CARMIL1: variants seen among roughly 807,000 people sequenced by gnomAD.
The protein encoded by CARMIL1 is capping protein regulator and myosin 1 linker 1.
In CARMIL1, 90 loss-of-function variants were observed where a neutral mutation model predicts 177.1. The observed-to-expected ratio is 0.51, with a 90% CI of 0.43 to 0.61. The LOEUF is 0.61. Among genes scored for constraint, CARMIL1 ranks in the 20% least tolerant of loss-of-function variants. The probability of loss-of-function intolerance (pLI) is 0.00; values close to 1 mark genes in which losing one functional copy is unlikely to be tolerated. For missense variants in CARMIL1, 1,380 were observed against 1,667.0 expected (o/e 0.83, Z 3.00); for synonymous variants, 577 against 606.2 (o/e 0.95, Z 0.71).
intron 36 of CARMIL1, among the ~76,000 whole-genome samples, chr6:25,619,205 G>T (rs1039009464): frequency 2.0e-5 from 3 of 152,158 alleles, no homozygotes; most frequent in African/African-American, 7.2e-5. Flanking sequence ...ACATCTATGA[G>T]AGGTTCACCC....
At chr6:25,585,689 C>T in intron 31 of CARMIL1, among the ~76,000 whole-genome samples, 1 of 152,024 alleles carries the variant, frequency 6.6e-6, no homozygotes, top group Non-Finnish European at 1.5e-5. Context: ...GGCAGAGGAC[C>T]CTGCGGCCTT....
intron 15 of CARMIL1, among the ~76,000 whole-genome samples, chr6:25,492,522 A>C (rs905115492): frequency 3.9e-5 from 6 of 152,342 alleles, no homozygotes; most frequent in South Asian, 2.1e-4. Context: ...ATTCACAGAC[A>C]GTAGCAACTT....
At position 25,282,242 on chromosome 6, in the gene CARMIL1, G is replaced by A. The variant is rs528419419; in HGVS notation, c.40+2407G>A. Among the ~76,000 whole-genome samples, 7 of 151,994 alleles carry A rather than the reference G, an allele frequency of 4.6e-5. No individual in the cohort carries two copies. The South Asian group carries it at 1.5e-3, about 32-fold the overall frequency. ...GAGGTAGTTATTTTAAAGGGTATAT[G>A]ATTTTCCAGTCTGTTTCCATGTGTA... is the stretch of plus-strand genomic sequence containing the variant. On this transcript the variant is annotated intron_variant, in intron 1 of 36. Transcript: ENST00000329474.
At chr6:25,294,249 C>T (rs1782221380) in intron 2 of CARMIL1, among the ~76,000 whole-genome samples, 1 of 152,174 alleles carries the variant, frequency 6.6e-6, no homozygotes, top group Non-Finnish European at 1.5e-5. Context: ...TTCTGCTGAT[C>T]CCTGGGCCCT....
chr6:25,530,070 T>C (rs1807592698), intron 24 of CARMIL1, among the ~76,000 whole-genome samples: 1 of 151,612 alleles, frequency 6.6e-6, no homozygotes, highest in Non-Finnish European at 1.5e-5. Context: ...CAGGAAAGAA[T>C]AGAAAACCAT....
chr6:25,296,877 A>C (rs1460549599), intron 2 of CARMIL1, among the ~76,000 whole-genome samples: 2 of 143,510 alleles, frequency 1.4e-5, no homozygotes, highest in Admixed American at 7.1e-5. Flanking sequence ...TCCTTTTCTT[A>C]TAAGAATATC....
At chr6:25,338,221 C>T (rs530689559) in intron 2 of CARMIL1, among the ~76,000 whole-genome samples, 30 of 151,542 alleles carry the variant, frequency 2.0e-4, no homozygotes, top group East Asian at 5.8e-4. Flanking sequence ...TGCACCACTG[C>T]ACTCCAGCCT....
At chr6:25,593,131 C>T (rs1030162839) in intron 31 of CARMIL1, among the ~76,000 whole-genome samples, 3 of 152,158 alleles carry the variant, frequency 2.0e-5, no homozygotes, top group Non-Finnish European at 4.4e-5. Context: ...ATATTTGTAA[C>T]GTGTTCCCTA....
chr6:25,369,379 G>GTTTTTTTTTTTTTTT (rs5875032), intron 2 of CARMIL1, among the ~76,000 whole-genome samples: 2 of 140,852 alleles, frequency 1.4e-5, no homozygotes, highest in Non-Finnish European at 3.0e-5. Flanking sequence ...GCTGTATTTT[G>GTTTTTTTTTTTTTTT]TTTTTTTTTT....
At chr6:25,495,317 C>A in intron 16 of CARMIL1, 102 bp downstream of exon 16, 1 of 719,450 alleles carries the variant, frequency 1.4e-6, no homozygotes, top group Middle Eastern at 2.5e-4. Context: ...AAGACAAAAA[C>A]CACAGATGAG....
chr6:25,438,430 AGT>A (rs1313923134), intron 5 of CARMIL1, among the ~76,000 whole-genome samples: 3 of 152,214 alleles, frequency 2.0e-5, no homozygotes, highest in African/African-American at 4.8e-5. Context: ...AGTACCTTTG[AGT>A]AAGTGCTGTG....
At chr6:25,613,482 TTCTG>T (rs1816658985) in intron 36 of CARMIL1, among the ~76,000 whole-genome samples, 1 of 152,244 alleles carries the variant, frequency 6.6e-6, no homozygotes, top group South Asian at 2.1e-4. Context: ...GCTCTCTGAC[TTCTG>T]TCTTTCATTT....
At position 25,299,942 on chromosome 6, in the gene CARMIL1, C is replaced by T. The variant is rs375465865; in HGVS notation, c.138+15033C>T. 4.7e-5 allele frequency among the ~76,000 whole-genome samples: 7 copies of T among 149,594 alleles called. No individual in the cohort carries two copies. In the East Asian group the frequency reaches 9.9e-4, roughly 21 times the overall value. ...GCAGTGAGCTGAGATTGTGCCACTG[C>T]ACTCCAGCCTGGGGCGACAGAGTGA... On this transcript the variant is annotated intron_variant, in intron 2 of 36. Coordinates refer to ENST00000329474, the MANE Select transcript of CARMIL1 (RefSeq NM_017640.6).
At chr6:25,487,030 T>G (rs957868247) in intron 12 of CARMIL1, among the ~76,000 whole-genome samples, 26 of 152,120 alleles carry the variant, frequency 1.7e-4, no homozygotes, top group African/African-American at 6.3e-4. Context: ...AGCCAAGAAG[T>G]TTTTTGCACT....
intron 2 of CARMIL1, among the ~76,000 whole-genome samples, chr6:25,408,037 ATAAT>A (rs1164919319): frequency 1.3e-5 from 2 of 152,126 alleles, no homozygotes; most frequent in African/African-American, 2.4e-5. Context: ...GTGCATGACT[ATAAT>A]CCAAACACTT....
intron 2 of CARMIL1, among the ~76,000 whole-genome samples, chr6:25,302,076 A>G (rs887873134): frequency 6.6e-6 from 1 of 152,168 alleles, no homozygotes; most frequent in African/African-American, 2.4e-5. Flanking sequence ...TGAAATCAGC[A>G]TTGTAAATCA....
intron 20 of CARMIL1, among the ~76,000 whole-genome samples, chr6:25,514,929 CAA>C (rs34908768): frequency 0.23 from 30,873 of 133,784 alleles, 3,501 homozygotes; most frequent in African/African-American, 0.34. Context: ...GACCCTGTCT[CAA>C]AAAAAAAAAA....
At chr6:25,312,905 T>TAA (rs35960509) in intron 2 of CARMIL1, among the ~76,000 whole-genome samples, 22 of 114,992 alleles carry the variant, frequency 1.9e-4, no homozygotes, top group Non-Finnish European at 3.2e-4. Context: ...ATGACTCAGT[T>TAA]AAAAAAAAAA....
intron 1 of CARMIL1, among the ~76,000 whole-genome samples, chr6:25,284,346 A>G (rs560537699): frequency 2.0e-5 from 3 of 152,238 alleles, no homozygotes; most frequent in Non-Finnish European, 4.4e-5. Context: ...AATATACAGT[A>G]CGAGGTACAA....
Sources: gnomAD v4.1 joint callset for allele counts (sites outside exome capture counted in the v4.1 genomes callset) on GRCh38, gnomAD v4.1.1 for gene constraint, MANE v1.5 for transcripts, NCBI Gene and HGNC (gene_info 2026-07-23, HGNC 2026-07-21) for gene names.